The following SLC44A5 variants were observed in gnomAD, a reference collection of about 807,000 sequenced individuals.
SLC44A5 encodes solute carrier family 44 member 5.
In SLC44A5, 57 loss-of-function variants were observed where a neutral mutation model predicts 101.8. The observed-to-expected ratio is 0.56, with a 90% CI of 0.45 to 0.70. SLC44A5 has a LOEUF of 0.70. SLC44A5 is among the 30% of genes least tolerant of loss of function. The pLI is 0.00. For missense variants in SLC44A5, 737 were observed against 853.1 expected, an observed-to-expected ratio of 0.86 and a Z score of 1.70; for synonymous variants, 281 against 290.9, an observed-to-expected ratio of 0.97 and a Z score of 0.35.
chr1:75,692,155 G>A, the SLC44A5 span, among the ~76,000 whole-genome samples: 84 of 145,076 alleles, frequency 5.8e-4, no homozygotes, highest in Non-Finnish European at 9.8e-4. Flanking sequence ...CAGAAGTAAA[G>A]TGTTTGCATA....
chr1:75,229,071 T>C (rs1647329352), intron 12 of SLC44A5, among the ~76,000 whole-genome samples: 1 of 152,052 alleles, frequency 6.6e-6, no homozygotes, highest in South Asian at 2.1e-4. Context: ...CATATATTTC[T>C]GTGGAATCAT....
At chr1:75,259,619 CAGG>C (rs1225475269) in intron 6 of SLC44A5, among the ~76,000 whole-genome samples, 3 of 152,124 alleles carry the variant, frequency 2.0e-5, no homozygotes, top group Non-Finnish European at 4.4e-5. Flanking sequence ...GGATATTAGC[CAGG>C]AGAACTTCCC....
chr1:75,624,483 G>A, the SLC44A5 span, among the ~76,000 whole-genome samples: 1 of 151,916 alleles, frequency 6.6e-6, no homozygotes, highest in African/African-American at 2.4e-5. Flanking sequence ...TATTACAAAT[G>A]GAGTTTACAC....
At chr1:75,534,071 A>T (rs1670868129) in intron 2 of SLC44A5, among the ~76,000 whole-genome samples, 1 of 152,284 alleles carries the variant, frequency 6.6e-6, no homozygotes, top group South Asian at 2.1e-4. Context: ...AAAAGGTTTC[A>T]CCATCATCCC....
intron 5 of SLC44A5, among the ~76,000 whole-genome samples, chr1:75,287,586 G>T (rs2100808366): frequency 6.6e-6 from 1 of 151,794 alleles, no homozygotes; most frequent in East Asian, 1.9e-4. Flanking sequence ...TATGTCAGGG[G>T]GAAGATCTGG....
chr1:75,628,971 C>T, the SLC44A5 span, among the ~76,000 whole-genome samples: 3 of 151,918 alleles, frequency 2.0e-5, no homozygotes, highest in African/African-American at 7.3e-5. Context: ...GAAAAGGGAA[C>T]TATTGGAAAT....
At chr1:75,390,144 T>C (rs1377880448) in intron 3 of SLC44A5, among the ~76,000 whole-genome samples, 2 of 151,768 alleles carry the variant, frequency 1.3e-5, no homozygotes, top group Admixed American at 1.3e-4. Flanking sequence ...AATAATGAAT[T>C]CTGAAATAGA....
At chr1:75,501,930 C>G (rs891660427) in intron 2 of SLC44A5, among the ~76,000 whole-genome samples, 7 of 152,198 alleles carry the variant, frequency 4.6e-5, no homozygotes, top group African/African-American at 1.7e-4. Flanking sequence ...TCTAGGCACA[C>G]ATGTGCTAAA....
chr1:75,469,760 C>A (rs574790222), intron 2 of SLC44A5, among the ~76,000 whole-genome samples: 30 of 151,928 alleles, frequency 2.0e-4, no homozygotes, highest in African/African-American at 7.2e-4. Flanking sequence ...ATTATCTGGG[C>A]ATGGTGGTGT....
the SLC44A5 span, among the ~76,000 whole-genome samples, chr1:75,680,441 C>T: frequency 6.6e-6 from 1 of 151,998 alleles, no homozygotes; most frequent in Non-Finnish European, 1.5e-5. Flanking sequence ...CAAACTACAA[C>T]TCAGGATTAA....
chr1:75,578,746 T>C (rs965824842), intron 1 of SLC44A5, among the ~76,000 whole-genome samples: 2 of 152,148 alleles, frequency 1.3e-5, no homozygotes, highest in African/African-American at 4.8e-5. Context: ...TTAATAATAA[T>C]GTATTGATAC....
intron 4 of SLC44A5, among the ~76,000 whole-genome samples, chr1:75,315,812 T>C (rs1042960410): frequency 6.6e-6 from 1 of 152,124 alleles, no homozygotes; most frequent in African/African-American, 2.4e-5. Context: ...TCCTTAACTA[T>C]CTCTGCCCGC....
intron 1 of SLC44A5, among the ~76,000 whole-genome samples, chr1:75,592,068 T>C (rs1674386802): frequency 6.6e-6 from 1 of 152,110 alleles, no homozygotes; most frequent in South Asian, 2.1e-4. Flanking sequence ...GGCATCCAAA[T>C]TGGAAAGGAA....
chr1:75,357,694 C>G (rs768347225), intron 3 of SLC44A5, among the ~76,000 whole-genome samples: 4 of 152,054 alleles, frequency 2.6e-5, no homozygotes, highest in Non-Finnish European at 5.9e-5. Flanking sequence ...GGAAGGAAAA[C>G]TTGGGATAGA....
intron 2 of SLC44A5, among the ~76,000 whole-genome samples, chr1:75,408,114 G>A (rs1374427310): frequency 1.3e-5 from 2 of 152,192 alleles, no homozygotes; most frequent in Non-Finnish European, 2.9e-5. Context: ...ATGAAAAAAA[G>A]CTCATTGTCG....
intron 2 of SLC44A5, among the ~76,000 whole-genome samples, chr1:75,458,422 A>G (rs1017502172): frequency 5.3e-5 from 8 of 152,210 alleles, no homozygotes; most frequent in Non-Finnish European, 1.0e-4. Context: ...AAGAGTTTCA[A>G]TTAGGAAAAA....
chr1:75,657,143 T>C, the SLC44A5 span, among the ~76,000 whole-genome samples: 1 of 152,014 alleles, frequency 6.6e-6, no homozygotes. Flanking sequence ...AATGAGACTC[T>C]TTCTCAAAAA....
At chr1:75,312,943 T>C (rs1184393080) in intron 4 of SLC44A5, among the ~76,000 whole-genome samples, 1 of 152,192 alleles carries the variant, frequency 6.6e-6, no homozygotes, top group Non-Finnish European at 1.5e-5. Flanking sequence ...ACTTTACAAA[T>C]TAAGTCACTC....
At chr1:75,694,828 T>C in the SLC44A5 span, among the ~76,000 whole-genome samples, 1 of 152,158 alleles carries the variant, frequency 6.6e-6, no homozygotes, top group Non-Finnish European at 1.5e-5. Flanking sequence ...AGTATGGAAA[T>C]TTTTATCATT....
Sources: gnomAD v4.1 joint callset for allele counts (sites outside exome capture counted in the v4.1 genomes callset) on GRCh38, gnomAD v4.1.1 for gene constraint, MANE v1.5 for transcripts, NCBI Gene and HGNC (gene_info 2026-07-23, HGNC 2026-07-21) for gene names.